Variants in MYO5B observed in about 807,000 individuals in gnomAD.
MYO5B encodes unconventional myosin-Vb.
Under a neutral mutation model 229.3 loss-of-function variants are expected in MYO5B, and 143 were observed. That is an observed-to-expected ratio of 0.62 (90% confidence interval 0.54 to 0.72). The LOEUF is 0.72. Ranked by LOEUF, MYO5B falls within the 30% of genes least tolerant of loss-of-function variation. The probability of loss-of-function intolerance (pLI) is 0.00; values close to 1 mark genes in which losing one functional copy is unlikely to be tolerated. For synonymous variants in MYO5B, 918 were observed against 885.2 expected, an observed-to-expected ratio of 1.04 and a Z score of -0.66; for missense variants, 2,321 against 2,331.0, an observed-to-expected ratio of 1.00 and a Z score of 0.09.
At chr18:50,101,703 G>C (rs1006899695) in intron 1 of MYO5B, among the ~76,000 whole-genome samples, 2 of 152,132 alleles carry the variant, frequency 1.3e-5, no homozygotes, top group African/African-American at 4.8e-5. Context: ...ATCTCATGCA[G>C]ATCAGAATGG....
intron 1 of MYO5B, among the ~76,000 whole-genome samples, chr18:50,057,756 C>A (rs953351682): frequency 6.6e-6 from 1 of 152,190 alleles, no homozygotes; most frequent in Non-Finnish European, 1.5e-5. Flanking sequence ...CACAGTGGGA[C>A]CCCAATGGTA....
At chr18:50,109,431 T>C (rs979186837) in intron 1 of MYO5B, among the ~76,000 whole-genome samples, 2 of 149,994 alleles carry the variant, frequency 1.3e-5, no homozygotes, top group East Asian at 2.0e-4. Context: ...TTTTTCTTTT[T>C]TTTTTTTTTT....
At chr18:50,178,409 T>TA (rs1015359614) in intron 1 of MYO5B, among the ~76,000 whole-genome samples, 3 of 152,174 alleles carry the variant, frequency 2.0e-5, no homozygotes, top group Non-Finnish European at 2.9e-5. Context: ...AATAACTACG[T>TA]AAAAAAATTC....
intron 1 of MYO5B, among the ~76,000 whole-genome samples, chr18:50,123,398 T>C (rs2032103871): frequency 1.3e-5 from 2 of 152,158 alleles, no homozygotes; most frequent in South Asian, 4.1e-4. Flanking sequence ...CTGTACACTT[T>C]AAATGGGTAA....
At chr18:50,147,851 A>T (rs2032529948) in intron 1 of MYO5B, among the ~76,000 whole-genome samples, 1 of 152,296 alleles carries the variant, frequency 6.6e-6, no homozygotes, top group East Asian at 1.9e-4. Flanking sequence ...AAATCCTGGG[A>T]TCCTGTGAGG....
At chr18:49,831,895 G>A (rs2023927523) in intron 39 of MYO5B, among the ~76,000 whole-genome samples, 1 of 152,012 alleles carries the variant, frequency 6.6e-6, no homozygotes, top group Non-Finnish European at 1.5e-5. Flanking sequence ...ATATATAAAG[G>A]GAATATTAGT....
At chr18:50,185,694 T>C (rs1357306861) in intron 1 of MYO5B, among the ~76,000 whole-genome samples, 1 of 152,180 alleles carries the variant, frequency 6.6e-6, no homozygotes, top group Non-Finnish European at 1.5e-5. Context: ...AGGAAAATAA[T>C]TGGAACCAAC....
chr18:50,087,605 AAATG>A (rs1436807103), intron 1 of MYO5B, among the ~76,000 whole-genome samples: 2 of 152,110 alleles, frequency 1.3e-5, no homozygotes, highest in East Asian at 1.9e-4. Flanking sequence ...AAAATAAATA[AAATG>A]AATGTTTTAA....
chr18:50,159,956 C>A (rs2032740051), intron 1 of MYO5B, among the ~76,000 whole-genome samples: 2 of 152,220 alleles, frequency 1.3e-5, no homozygotes, highest in Admixed American at 6.5e-5. Flanking sequence ...CACACAGACG[C>A]TCCACATGAA....
chr18:49,910,490 A>T (rs2024945567), intron 18 of MYO5B, among the ~76,000 whole-genome samples: 1 of 152,142 alleles, frequency 6.6e-6, no homozygotes, highest in Non-Finnish European at 1.5e-5. Context: ...TAGGTGGACC[A>T]CAGCAAAAAC....
chr18:49,944,717 C>G (rs541018594), intron 14 of MYO5B, among the ~76,000 whole-genome samples: 1 of 152,150 alleles, frequency 6.6e-6, no homozygotes, highest in Admixed American at 6.5e-5. Flanking sequence ...CACTCCATCC[C>G]CTGGCTTCTA....
Position 49,889,831 on chromosome 18 carries a change from C to T in MYO5B, c.3045+5110G>A, listed in dbSNP as rs923177023. Among the ~76,000 whole-genome samples the T allele has an allele frequency of 3.2e-4, 48 of 152,210 alleles. 1 individual carries two copies. Among genetic ancestry groups the T allele is most frequent in the Non-Finnish European group, 8.8e-5 (6 of 68,048 alleles). Reference sequence around the variant, plus strand: ...CATTGCAACAACCTATGATCTAAAACCTGAGCCAAGGCTACAGTCTGGGAG... The same window carrying T: ...CATTGCAACAACCTATGATCTAAAATCTGAGCCAAGGCTACAGTCTGGGAG... On this transcript the variant is annotated intron_variant, in intron 22 of 39. Coordinates refer to ENST00000285039, the MANE Select transcript of MYO5B (RefSeq NM_001080467.3).
intron 9 of MYO5B, 150 bp from the exon 10 acceptor site, chr18:49,974,765 C>T (rs2025727728): frequency 5.5e-6 from 2 of 366,052 alleles, no homozygotes; most frequent in Non-Finnish European, 9.1e-6. Flanking sequence ...CTGCTGCCAG[C>T]CCAGCAGTCT....
chr18:49,860,728 G>A (rs980691177), intron 29 of MYO5B, among the ~76,000 whole-genome samples: 1 of 152,226 alleles, frequency 6.6e-6, no homozygotes, highest in African/African-American at 2.4e-5. Flanking sequence ...GCATATGAGT[G>A]TAACTTCCTC....
intron 1 of MYO5B, among the ~76,000 whole-genome samples, chr18:50,084,092 G>C (rs1378798528): frequency 6.6e-6 from 1 of 152,130 alleles, no homozygotes; most frequent in Non-Finnish European, 1.5e-5. Context: ...AACGTTTTCA[G>C]AACAATATCT....
rs771243169 is a variant in MYO5B at position 49,904,812 on chromosome 18, G to A, written c.2431C>T (p.Arg811Trp). 98 of 1,613,714 alleles carry A rather than the reference G, an allele frequency of 6.1e-5. 1 individual carries two copies. Among genetic ancestry groups the A allele is most frequent in the Middle Eastern group, 1.6e-4 (1 of 6,082 alleles). The change falls in exon 20 of 40, where the codon CGG becomes TGG. Residue 811 changes from arginine to tryptophan, a missense_variant. Transcript: ENST00000285039. ...AGCACCACAGCCGCTCTGATCCTCC[G>A]CAGGTGCTCAGCCAGCCTGGGGAGC... Reference protein sequence around the residue: ...HLARRLAEHLRRIRAAVVLQK... With the variant: ...HLARRLAEHLWRIRAAVVLQK...
Position 49,956,013 on chromosome 18 carries a change from T to G in MYO5B, c.1546-1578A>C, listed in dbSNP as rs1184346633. ...TGCCTTGGAGATGAAATTGGACTTCTGTGAGAAGACTTCGTAATCCTGCAT... is the reference window on the plus strand; with the variant it reads ...TGCCTTGGAGATGAAATTGGACTTCGGTGAGAAGACTTCGTAATCCTGCAT... On this transcript the variant is annotated intron_variant, in intron 12 of 39. Transcript: ENST00000285039. 2.0e-5 allele frequency among the ~76,000 whole-genome samples: 3 copies of G among 152,252 alleles called. No individual in the cohort carries two copies. The East Asian group carries it at 5.8e-4, about 29-fold the overall frequency.
chr18:49,966,507 C>T (rs2025627666), intron 10 of MYO5B, among the ~76,000 whole-genome samples: 1 of 152,144 alleles, frequency 6.6e-6, no homozygotes, highest in Non-Finnish European at 1.5e-5. Context: ...ATCCTCCACC[C>T]TGAGAGAAGC....
chr18:49,990,795 T>C (rs1598935698), intron 6 of MYO5B, among the ~76,000 whole-genome samples: 1 of 152,248 alleles, frequency 6.6e-6, no homozygotes, highest in African/African-American at 2.4e-5. Flanking sequence ...TCATTGCTCT[T>C]CACAAATGGT....
Sources: gnomAD v4.1 joint callset for allele counts (sites outside exome capture counted in the v4.1 genomes callset) on GRCh38, gnomAD v4.1.1 for gene constraint, MANE v1.5 for transcripts, NCBI Gene and HGNC (gene_info 2026-07-23, HGNC 2026-07-21) for gene names.